Variants in KREMEN1 observed in about 807,000 individuals in gnomAD.
KREMEN1 encodes the protein kremen protein 1.
Under a neutral mutation model 46.5 loss-of-function variants are expected in KREMEN1, and 30 were observed. The ratio of observed to expected loss-of-function variants is 0.65; its 90% CI spans 0.48 to 0.88. KREMEN1 has a LOEUF of 0.88. KREMEN1 is among the 40% of genes least tolerant of loss of function. The pLI, the probability that KREMEN1 is intolerant of heterozygous loss-of-function variation, is 0.00. For missense variants in KREMEN1, 533 were observed against 596.9 expected (o/e 0.89, Z 1.11); for synonymous variants, 214 against 230.6 (o/e 0.93, Z 0.65).
chr22:29,075,726 C>T (rs2037558708), intron 1 of KREMEN1, among the ~76,000 whole-genome samples: 1 of 152,096 alleles, frequency 6.6e-6, no homozygotes, highest in South Asian at 2.1e-4. Context: ...CACACACATA[C>T]ACACACACAC....
intron 7 of KREMEN1, among the ~76,000 whole-genome samples, chr22:29,139,429 C>T (rs2038724162): frequency 1.3e-5 from 2 of 152,024 alleles, no homozygotes; most frequent in Admixed American, 1.3e-4. Context: ...TAGGGAGACC[C>T]TTTCTCTACA....
rs575217570 is a variant in KREMEN1, at chr22:29,144,292, G to T, written c.*2180G>T. On this transcript the variant is annotated 3_prime_UTR_variant, in exon 9 of 9. Transcript: ENST00000400335. ...GAGGAAAGAGGGCCACACAGGAAGT[G>T]TCTGCAGGGAGAGGTGGCACTCGGC... The T allele has an allele frequency of 7.5e-4, 739 of 985,746 alleles. No homozygotes were observed. The highest frequency in any genetic ancestry group is 8.6e-4 in the Non-Finnish European group (711 of 830,134). 61.1% of individuals were successfully genotyped at this position (985,746 alleles called of 1,614,324 possible).
chr22:29,105,512 C>CACACACACACAT (rs56047123), intron 3 of KREMEN1, among the ~76,000 whole-genome samples: 24 of 151,284 alleles, frequency 1.6e-4, no homozygotes, highest in Admixed American at 4.6e-4. Flanking sequence ...CACACACACA[C>CACACACACACAT]TCTGATGAAT....
At chr22:29,119,260 A>G (rs1444992610) in intron 3 of KREMEN1, among the ~76,000 whole-genome samples, 1 of 152,244 alleles carries the variant, frequency 6.6e-6, no homozygotes, top group East Asian at 1.9e-4. Context: ...GAGGTCAGGA[A>G]GGATCCTGTA....
Position 29,142,887 on chromosome 22 carries a change from T to A in KREMEN1, c.*775T>A. The A allele has an allele frequency of 3.0e-6, 3 of 984,448 alleles. No individual in the cohort carries two copies. Among genetic ancestry groups the A allele is most frequent in the Non-Finnish European group, 3.6e-6 (3 of 829,004 alleles). The allele number at this position is 984,448 out of a possible 1,614,324, so 61.0% of individuals were successfully genotyped here. ...CCATTCAGCTGGGCGCGATGGCTCA[T>A]GCCTGTAATCCCAGCACTGTGGGAG... On this transcript the variant is annotated 3_prime_UTR_variant, in exon 9 of 9. Coordinates refer to ENST00000400335, the MANE Select transcript of KREMEN1 (RefSeq NM_001039570.3).
At chr22:29,141,303 G>A (rs2038759286) in intron 8 of KREMEN1, among the ~76,000 whole-genome samples, 1 of 151,968 alleles carries the variant, frequency 6.6e-6, no homozygotes, top group South Asian at 2.1e-4. Context: ...GTGTGTCTGT[G>A]TGTGTGTGTA....
At position 29,143,465 on chromosome 22, in the gene KREMEN1, G is replaced by A. The variant is rs531436376; in HGVS notation, c.*1353G>A. 11 of 985,286 alleles carry A rather than the reference G, an allele frequency of 1.1e-5. No individual in the cohort carries two copies. Among genetic ancestry groups the A allele is most frequent in the Admixed American group, 1.2e-4 (2 of 16,250 alleles). The allele number at this position is 985,286 out of a possible 1,614,324, so 61.0% of individuals were successfully genotyped here. On this transcript the variant is annotated 3_prime_UTR_variant, in exon 9 of 9. Transcript: ENST00000400335. ...AAAGATAAAAAACACCCCAAGGGCC[G>A]GGCGCGGTGGCTCATGCCTGTAATC...
In KREMEN1 at chr22:29,097,670, A is replaced by G. The variant is rs199559634; in HGVS notation, c.261-1192A>G. On this transcript the variant is annotated intron_variant, in intron 2 of 8. Coordinates refer to ENST00000400335, the MANE Select transcript of KREMEN1 (RefSeq NM_001039570.3). The stretch of plus-strand genomic sequence containing the variant: ...CGCCTGGCCCAGTGGAGTCTTTATT[A>G]AGTGAATTTTGTTTTACTGTTTAAA... Among the ~76,000 whole-genome samples, 32 of 152,182 alleles carry G rather than the reference A, an allele frequency of 2.1e-4. No homozygotes were observed. The East Asian group carries it at 5.6e-3, about 27-fold the overall frequency.
chr22:29,077,110 T>C (rs1220893620), intron 1 of KREMEN1, among the ~76,000 whole-genome samples: 2 of 152,218 alleles, frequency 1.3e-5, no homozygotes, highest in African/African-American at 2.4e-5. Flanking sequence ...ATGGGGAATA[T>C]ACCATCCTTA....
At chr22:29,083,101 C>T (rs553096574) in intron 1 of KREMEN1, among the ~76,000 whole-genome samples, 159 of 152,162 alleles carry the variant, frequency 1.0e-3, no homozygotes, top group African/African-American at 3.6e-3. Flanking sequence ...GTAGAGACAG[C>T]TTTTCGCTAT....
At chr22:29,149,976 C>T (rs1222960172), downstream of KREMEN1, among the ~76,000 whole-genome samples, 9 of 152,214 alleles carry the variant, frequency 5.9e-5, no homozygotes, top group Admixed American at 1.3e-4. Context: ...CTGGGCCATG[C>T]GTGCCTGAAA....
intron 3 of KREMEN1, among the ~76,000 whole-genome samples, chr22:29,114,498 A>AAAG (rs1251066097): frequency 6.6e-6 from 1 of 151,170 alleles, no homozygotes; most frequent in Non-Finnish European, 1.5e-5. Context: ...AAAAAAAAAA[A>AAAG]AAAAAAAAGG....
At chr22:29,128,796 A>G (rs577667977) in intron 5 of KREMEN1, among the ~76,000 whole-genome samples, 3 of 152,240 alleles carry the variant, frequency 2.0e-5, no homozygotes, top group Non-Finnish European at 4.4e-5. Context: ...TAATTTGTCT[A>G]TGCTAGTAAG....
Position 29,131,558 on chromosome 22 carries a change from A to ATGTGTGTGTG in KREMEN1, c.632-5783_632-5782insGTGTGTGTGT, listed in dbSNP as rs1458308421. On this transcript the variant is annotated intron_variant, in intron 5 of 8. Transcript: ENST00000400335. The stretch of plus-strand genomic sequence containing the variant: ...TATATATATATATATATATATATAT[A>ATGTGTGTGTG]TATGTGTGTGTGTGTGTGTGTGTGT... 8.4e-5 allele frequency among the ~76,000 whole-genome samples: 5 copies of ATGTGTGTGTG among 59,656 alleles called. No individual in the cohort carries two copies. The East Asian group carries it at 9.9e-4, about 12-fold the overall frequency. The allele number at this position is 59,656 out of a possible 152,430, so 39.1% of individuals were successfully genotyped here. A position where few individuals can be genotyped will look rare whatever the true frequency, so the allele number is the denominator to read the frequency against.
Position 29,144,518 on chromosome 22 carries a change from A to G in KREMEN1, c.*2406A>G. On this transcript the variant is annotated 3_prime_UTR_variant, in exon 9 of 9. Transcript: ENST00000400335. ...CAGCTGTCCGCAGGCCTCTGTCTCC[A>G]AGAGGCCTGTCACACAGGAGGACCG... 16 of 985,470 alleles carry G rather than the reference A, an allele frequency of 1.6e-5. No homozygotes were observed. The highest frequency in any genetic ancestry group is 1.8e-5 in the Non-Finnish European group (15 of 829,954). The allele number at this position is 985,470 out of a possible 1,614,324, so 61.0% of individuals were successfully genotyped here.
chr22:29,137,279 G>T, intron 5 of KREMEN1, 63 bp from the exon 6 acceptor site: 1 of 1,209,960 alleles, frequency 8.3e-7, no homozygotes, highest in Middle Eastern at 2.1e-4. Context: ...GTGCCTTGGT[G>T]TTGGAAGCGC....
intron 5 of KREMEN1, among the ~76,000 whole-genome samples, chr22:29,133,751 T>G (rs1380545411): frequency 6.6e-6 from 1 of 152,208 alleles, no homozygotes; most frequent in Non-Finnish European, 1.5e-5. Context: ...CACCTTTTAC[T>G]GATTTTGGAA....
chr22:29,111,443 T>G (rs1400200912), intron 3 of KREMEN1: 2 of 151,470 alleles, frequency 1.3e-5, no homozygotes, highest in Non-Finnish European at 2.9e-5. Flanking sequence ...AAACCCCGTC[T>G]CTACTAAAAA....
intron 8 of KREMEN1, 112 bp from the exon 9 acceptor site, chr22:29,141,832 G>A: frequency 2.7e-6 from 2 of 750,214 alleles, no homozygotes; most frequent in Non-Finnish European, 4.0e-6. Context: ...GTGGCTGTGA[G>A]GTCCTTCCCA....
Sources: allele counts gnomAD v4.1 joint callset (sites outside exome capture counted in the v4.1 genomes callset), GRCh38; gene constraint gnomAD v4.1.1; transcripts MANE v1.5; gene names NCBI Gene and HGNC (gene_info 2026-07-23, HGNC 2026-07-21).